SMARCA2: variants seen among roughly 807,000 people sequenced by gnomAD.
The protein encoded by SMARCA2 is SWI/SNF related BAF chromatin remodeling complex subunit ATPase 2.
In SMARCA2, 61 loss-of-function variants were observed where a neutral mutation model predicts 199.8. The ratio of observed to expected loss-of-function variants is 0.31; its 90% CI spans 0.25 to 0.38. SMARCA2 has a LOEUF of 0.38. SMARCA2 is among the 10% of genes least tolerant of loss of function. SMARCA2 has a pLI of 1.00. For synonymous variants in SMARCA2, 935 were observed against 732.0 expected, an observed-to-expected ratio of 1.28 and a Z score of -4.48; for missense variants, 1,344 against 2,012.2, an observed-to-expected ratio of 0.67 and a Z score of 6.35.
At chr9:2,182,264 A>G in intron 31 of SMARCA2, 22 bp downstream of exon 31, 1 of 1,439,244 alleles carries the variant, frequency 6.9e-7, no homozygotes, top group South Asian at 1.2e-5. Flanking sequence ...TAAGTTGTCT[A>G]AAAGTTCTTA....
chr9:2,148,675 AT>A (rs894868570), intron 27 of SMARCA2, among the ~76,000 whole-genome samples: 3 of 151,066 alleles, frequency 2.0e-5, no homozygotes, highest in Non-Finnish European at 1.5e-5. Context: ...CACCCAACTA[AT>A]TTTTTTATTT....
chr9:2,020,794 A>T (rs141808626), intron 1 of SMARCA2, among the ~76,000 whole-genome samples: 1 of 152,214 alleles, frequency 6.6e-6, no homozygotes, highest in Non-Finnish European at 1.5e-5. Flanking sequence ...AATAGAGCCA[A>T]TGAAATTCAG....
At chr9:2,065,781 G>C (rs754239798) in intron 9 of SMARCA2, among the ~76,000 whole-genome samples, 1 of 152,114 alleles carries the variant, frequency 6.6e-6, no homozygotes, top group Non-Finnish European at 1.5e-5. Flanking sequence ...ATAGATGAAA[G>C]AAAGGTTCTA....
intron 27 of SMARCA2, among the ~76,000 whole-genome samples, chr9:2,126,960 G>A (rs1283016001): frequency 6.6e-6 from 1 of 152,172 alleles, no homozygotes; most frequent in Non-Finnish European, 1.5e-5. Flanking sequence ...CTGGGGTGAA[G>A]AGAACAATAT....
At chr9:2,156,720 C>T (rs189636144) in intron 27 of SMARCA2, among the ~76,000 whole-genome samples, 2 of 152,194 alleles carry the variant, frequency 1.3e-5, no homozygotes, top group African/African-American at 4.8e-5. Flanking sequence ...CATGAGCCAC[C>T]GTACCTGGCC....
intron 29 of SMARCA2, among the ~76,000 whole-genome samples, chr9:2,176,133 G>A (rs187455117): frequency 1.3e-3 from 192 of 149,310 alleles, no homozygotes; most frequent in Middle Eastern, 3.7e-3. Flanking sequence ...CACCTGCCTC[G>A]GCCTCCCAAA....
At chr9:2,131,972 A>G (rs1048238988) in intron 27 of SMARCA2, among the ~76,000 whole-genome samples, 5 of 151,932 alleles carry the variant, frequency 3.3e-5, no homozygotes, top group Middle Eastern at 3.4e-3. Flanking sequence ...AATGACATTT[A>G]TAATACTAGG....
At chr9:2,054,285 C>G (rs922881349) in intron 5 of SMARCA2, among the ~76,000 whole-genome samples, 1 of 152,248 alleles carries the variant, frequency 6.6e-6, no homozygotes, top group African/African-American at 2.4e-5. Flanking sequence ...CTTATATTCT[C>G]TCTCTGCTAA....
At chr9:2,019,515 G>C (rs1818513412) in intron 1 of SMARCA2, among the ~76,000 whole-genome samples, 1 of 141,784 alleles carries the variant, frequency 7.1e-6, no homozygotes, top group Non-Finnish European at 1.5e-5. Context: ...AAAAAAAAAA[G>C]TGCCTCGGCT....
At chr9:2,058,727 C>G (rs914583474) in intron 8 of SMARCA2, among the ~76,000 whole-genome samples, 1 of 152,134 alleles carries the variant, frequency 6.6e-6, no homozygotes, top group Non-Finnish European at 1.5e-5. Context: ...TACAGCTTCT[C>G]TCATAAAAGC....
In SMARCA2 at chr9:2,160,421, A is replaced by T. The variant is rs576501606; in HGVS notation, c.3982-1265A>T. 2.7e-4 allele frequency: 150 copies of T among 547,158 alleles called. 8 individuals carry two copies. In the South Asian group the frequency reaches 3.1e-3, roughly 11 times the overall value. 33.9% of individuals were successfully genotyped at this position (547,158 alleles called of 1,614,324 possible). On this transcript the variant is annotated intron_variant, in intron 27 of 33. Coordinates refer to ENST00000349721, the MANE Select transcript of SMARCA2 (RefSeq NM_003070.5). The stretch of plus-strand genomic sequence containing the variant: ...GGATGCGTAGAAAACATATTTTTTT[A>T]AAAATCCCACTGGCATTTTTAACAT...
intron 23 of SMARCA2, among the ~76,000 whole-genome samples, chr9:2,107,035 G>A (rs540328970): frequency 8.1e-4 from 124 of 152,240 alleles, no homozygotes; most frequent in African/African-American, 2.7e-3. Flanking sequence ...CTTGCAAGGA[G>A]TGTCTGCCTT....
intron 4 of SMARCA2, chr9:2,045,787 C>G (rs1319461251): frequency 6.7e-6 from 1 of 149,344 alleles, no homozygotes; most frequent in Non-Finnish European, 1.5e-5. Flanking sequence ...AATGTTTTAC[C>G]TAATTTTAGA....
At chr9:2,165,894 C>T (rs1404882036) in intron 28 of SMARCA2, among the ~76,000 whole-genome samples, 1 of 152,170 alleles carries the variant, frequency 6.6e-6, no homozygotes, top group African/African-American at 2.4e-5. Flanking sequence ...GGCCCAACTT[C>T]CCACAATACA....
At chr9:2,189,900 C>T (rs1231040664) in intron 32 of SMARCA2, among the ~76,000 whole-genome samples, 1 of 144,110 alleles carries the variant, frequency 6.9e-6, no homozygotes, top group Non-Finnish European at 1.5e-5. Flanking sequence ...CAAAAGAAGT[C>T]TGAAACAAAC....
At chr9:2,044,447 C>A (rs1265874530) in intron 4 of SMARCA2, 1 of 152,204 alleles carries the variant, frequency 6.6e-6, no homozygotes, top group Non-Finnish European at 1.5e-5. Context: ...TAATATGGTA[C>A]CGAATTTCCT....
intron 10 of SMARCA2, among the ~76,000 whole-genome samples, chr9:2,071,298 A>C (rs1458449053): frequency 2.6e-5 from 4 of 152,244 alleles, no homozygotes; most frequent in Non-Finnish European, 5.9e-5. Flanking sequence ...CTTGAACAAT[A>C]AATGTTACTT....
intron 27 of SMARCA2, among the ~76,000 whole-genome samples, chr9:2,146,763 C>G (rs1188012660): frequency 6.6e-6 from 1 of 152,124 alleles, no homozygotes; most frequent in Non-Finnish European, 1.5e-5. Context: ...CATAGGGTAA[C>G]TTCCTGATGT....
At chr9:2,073,372 T>A in intron 11 of SMARCA2, 30 bp downstream of exon 11, 1 of 1,611,876 alleles carries the variant, frequency 6.2e-7, no homozygotes, top group Non-Finnish European at 8.5e-7. Context: ...TTCATGGTGT[T>A]CTTTTAGCTT....
Sources: gnomAD v4.1 joint callset for allele counts (sites outside exome capture counted in the v4.1 genomes callset) on GRCh38, gnomAD v4.1.1 for gene constraint, MANE v1.5 for transcripts, NCBI Gene and HGNC (gene_info 2026-07-23, HGNC 2026-07-21) for gene names.